Variants in PPP6R2 observed in about 807,000 individuals in gnomAD.
PPP6R2 encodes protein phosphatase 6 regulatory subunit 2.
A neutral mutation model predicts 100.2 loss-of-function variants in PPP6R2; 62 were observed. The ratio of observed to expected loss-of-function variants is 0.62; its 90% CI spans 0.50 to 0.76. PPP6R2 has a LOEUF of 0.76. Ranked by LOEUF, PPP6R2 falls within the 30% of genes least tolerant of loss-of-function variation. The pLI, the probability that PPP6R2 is intolerant of heterozygous loss-of-function variation, is 0.00. For missense variants in PPP6R2, 1,142 were observed against 1,276.3 expected, an observed-to-expected ratio of 0.89 and a Z score of 1.60; for synonymous variants, 525 against 514.7, an observed-to-expected ratio of 1.02 and a Z score of -0.27.
chr22:50,414,761 G>A (rs779300398), intron 5 of PPP6R2, 72 bp downstream of exon 5: 2 of 1,538,390 alleles, frequency 1.3e-6, no homozygotes, highest in South Asian at 1.2e-5. Context: ...AAGTGCAGGA[G>A]CTCAGAGCAC....
At chr22:50,392,997 A>G (rs1461631116) in intron 2 of PPP6R2, among the ~76,000 whole-genome samples, 1 of 152,244 alleles carries the variant, frequency 6.6e-6, no homozygotes, top group Non-Finnish European at 1.5e-5. Context: ...ATCTCACAGT[A>G]AAGTTTTAAC....
chr22:50,403,937 G>A (rs562998350), intron 3 of PPP6R2, among the ~76,000 whole-genome samples: 7 of 152,096 alleles, frequency 4.6e-5, no homozygotes, highest in Non-Finnish European at 8.8e-5. Flanking sequence ...AGCCGGTCGC[G>A]TGGACCACCT....
intron 1 of PPP6R2, among the ~76,000 whole-genome samples, chr22:50,343,899 TCC>T (rs200868100): frequency 2.0e-4 from 1 of 4,888 alleles, no homozygotes; most frequent in Admixed American, 2.9e-3. Context: ...TCCAGTCAGT[TCC>T]CCCCCAGTCA....
intron 10 of PPP6R2, among the ~76,000 whole-genome samples, chr22:50,425,088 A>G (rs2147902917): frequency 6.6e-6 from 1 of 152,300 alleles, no homozygotes; most frequent in African/African-American, 2.4e-5. Context: ...AGCCATTACC[A>G]TTATTCACAT....
upstream of PPP6R2, among the ~76,000 whole-genome samples, chr22:50,339,757 G>GGGGTA (rs2042348863): frequency 7.9e-6 from 1 of 126,064 alleles, no homozygotes; most frequent in African/African-American, 3.6e-5. Context: ...ATGTGGTGGT[G>GGGGTA]TGTGGTGTGT....
chr22:50,418,575 A>G (rs1297025607), intron 6 of PPP6R2, among the ~76,000 whole-genome samples: 1 of 151,908 alleles, frequency 6.6e-6, no homozygotes, highest in Admixed American at 6.6e-5. Context: ...TTTAGTAGAG[A>G]TGGGGTTTCA....
chr22:50,391,997 T>C (rs895684338), intron 2 of PPP6R2: 2 of 151,094 alleles, frequency 1.3e-5, no homozygotes, highest in Non-Finnish European at 2.9e-5. Flanking sequence ...CTTCTTTCCC[T>C]GGATTGTGTG....
At chr22:50,428,350 A>G (rs2062567834) in intron 10 of PPP6R2, among the ~76,000 whole-genome samples, 2 of 152,326 alleles carry the variant, frequency 1.3e-5, no homozygotes, top group African/African-American at 4.8e-5. Flanking sequence ...TTTGTATTCT[A>G]GAACTTTGCT....
At chr22:50,409,602 A>G (rs1049078684) in intron 4 of PPP6R2, among the ~76,000 whole-genome samples, 3 of 152,076 alleles carry the variant, frequency 2.0e-5, no homozygotes, top group African/African-American at 7.2e-5. Context: ...TAATTTTTGT[A>G]TTTTTAGTAG....
chr22:50,408,365 C>G lies in PPP6R2; in HGVS notation c.414+1490C>G, dbSNP rs562620408. 3.3e-5 allele frequency among the ~76,000 whole-genome samples: 5 copies of G among 152,304 alleles called. No homozygotes were observed. The South Asian group carries it at 8.3e-4, about 25-fold the overall frequency. ...GCAGCTCCACGAAGGCCGCGGTTCC[C>G]CTTGACGACATTCAGCATGCATGTG... On this transcript the variant is annotated intron_variant, in intron 4 of 23. Transcript: ENST00000612753.
At chr22:50,348,943 G>A (rs1467962541) in intron 1 of PPP6R2, among the ~76,000 whole-genome samples, 5 of 152,120 alleles carry the variant, frequency 3.3e-5, no homozygotes, top group Non-Finnish European at 7.3e-5. Flanking sequence ...TGTAATCCCA[G>A]CACTTTGGGA....
chr22:50,405,307 A>AGGCCTGGAGAGAGGGGAGG (rs2058675258), intron 3 of PPP6R2, among the ~76,000 whole-genome samples: 1 of 114,126 alleles, frequency 8.8e-6, no homozygotes, highest in Non-Finnish European at 1.9e-5. Context: ...GGGAGGTGAG[A>AGGCCTGGAGAGAGGGGAGG]GGCCTGGAGA....
At chr22:50,337,568 GTC>G in the PPP6R2 span, among the ~76,000 whole-genome samples, 1 of 136,616 alleles carries the variant, frequency 7.3e-6, no homozygotes, top group Non-Finnish European at 1.5e-5. Context: ...GGGTCTGTGT[GTC>G]TGTGTAGTGT....
intron 4 of PPP6R2, 50 bp downstream of exon 4, chr22:50,406,925 G>A: frequency 6.5e-7 from 1 of 1,548,006 alleles, no homozygotes; most frequent in Non-Finnish European, 8.9e-7. Flanking sequence ...CATGGTGGAT[G>A]CTGACGTGTC....
chr22:50,413,921 G>A (rs972821580), intron 4 of PPP6R2, among the ~76,000 whole-genome samples: 9 of 152,206 alleles, frequency 5.9e-5, no homozygotes, highest in African/African-American at 2.2e-4. Flanking sequence ...CTTCTCCACT[G>A]TTACCTTGGA....
At position 50,391,432 on chromosome 22, in the gene PPP6R2, C is replaced by CAAAAAA. The variant is rs57682271; in HGVS notation, c.-16-2442_-16-2437dup. Among the ~76,000 whole-genome samples, 440 of 65,118 alleles carry CAAAAAA rather than the reference C, an allele frequency of 6.8e-3. 16 individuals are homozygous for CAAAAAA. Among genetic ancestry groups the CAAAAAA allele is most frequent in the Middle Eastern group, 0.035 (3 of 86 alleles). The allele number at this position is 65,118 out of a possible 152,430, so 42.7% of individuals were successfully genotyped here. A position where few individuals can be genotyped will look rare whatever the true frequency, so the allele number is the denominator to read the frequency against. On this transcript the variant is annotated intron_variant, in intron 2 of 23. Transcript: ENST00000612753. ...TGGGCTACAGAGTGAGACTCCGTCT[C>CAAAAAA]AAAAAAAAAAAAAAAAAAAAAAAAT...
chr22:50,444,068 ACAG>A lies in PPP6R2; in HGVS notation c.2787_2789del (p.Ala930del), dbSNP rs2066500763. Reference sequence around the variant, plus strand: ...CCCCCTAGGGCCCATCATGGCAGTCACAGCAGCCCCAGCCATGGTGGCCACCCT... The same window carrying A: ...CCCCCTAGGGCCCATCATGGCAGTCACAGCCCCAGCCATGGTGGCCACCCT... On this transcript the variant is annotated inframe_deletion, in exon 23 of 24. Transcript: ENST00000612753. The A allele has an allele frequency of 6.2e-7, 1 of 1,612,662 alleles. No homozygotes were observed. The highest frequency in any genetic ancestry group is 1.1e-5 in the South Asian group (1 of 91,076).
chr22:50,335,924 C>T, the PPP6R2 span, among the ~76,000 whole-genome samples: 1 of 147,372 alleles, frequency 6.8e-6, no homozygotes, highest in Non-Finnish European at 1.5e-5. Context: ...GATCCGCCTG[C>T]CTTGGCCTCC....
intron 1 of PPP6R2, among the ~76,000 whole-genome samples, chr22:50,370,436 T>TGC (rs1569312642): frequency 1.3e-5 from 2 of 151,310 alleles, no homozygotes; most frequent in South Asian, 2.1e-4. Flanking sequence ...TACAGGCGCC[T>TGC]GCCACCACGC....
Sources: allele counts gnomAD v4.1 joint callset (sites outside exome capture counted in the v4.1 genomes callset), GRCh38; gene constraint gnomAD v4.1.1; transcripts MANE v1.5; gene names NCBI Gene and HGNC (gene_info 2026-07-23, HGNC 2026-07-21).